LARP1B: variants seen among roughly 807,000 people sequenced by gnomAD.
The protein encoded by LARP1B is La ribonucleoprotein 1B.
A neutral mutation model predicts 114.2 loss-of-function variants in LARP1B; 76 were observed. The observed-to-expected ratio is 0.67, with a 90% CI of 0.55 to 0.81. The LOEUF (loss-of-function observed/expected upper bound fraction) is 0.81. Among genes scored for constraint, LARP1B ranks in the 30% least tolerant of loss-of-function variants. The pLI is 0.00. For synonymous variants in LARP1B, 345 were observed against 348.0 expected (o/e 0.99, Z 0.10); for missense variants, 1,014 against 1,075.8 (o/e 0.94, Z 0.80).
At chr4:128,127,951 A>G (rs1790192550) in intron 11 of LARP1B, among the ~76,000 whole-genome samples, 1 of 152,240 alleles carries the variant, frequency 6.6e-6, no homozygotes. Flanking sequence ...TCAATGGAAT[A>G]AAATTCAGAG....
chr4:128,153,648 T>A, intron 11 of LARP1B, among the ~76,000 whole-genome samples: 1 of 152,208 alleles, frequency 6.6e-6, no homozygotes, highest in Middle Eastern at 3.2e-3. Flanking sequence ...ATCCCTGGCC[T>A]ACTTCTCTTA....
rs1281963626 is a variant in LARP1B, at chr4:128,210,967, A to G, written c.*914A>G. 2.7e-5 allele frequency: 25 copies of G among 937,490 alleles called. No homozygotes were observed. Among genetic ancestry groups the G allele is most frequent in the Non-Finnish European group, 3.2e-5 (25 of 786,360 alleles). 58.1% of individuals were successfully genotyped at this position (937,490 alleles called of 1,614,324 possible). ...GGAGTCAGATTATCTTTAATTTAAAATGAATACTTAGTTTTACCTTTTTGT... is the reference window on the plus strand; with the variant it reads ...GGAGTCAGATTATCTTTAATTTAAAGTGAATACTTAGTTTTACCTTTTTGT... On this transcript the variant is annotated 3_prime_UTR_variant, in exon 20 of 20. Coordinates refer to ENST00000326639, the MANE Select transcript of LARP1B (RefSeq NM_018078.4).
chr4:128,108,543 TCA>T, intron 9 of LARP1B: 3 of 985,708 alleles, frequency 3.0e-6, no homozygotes, highest in Non-Finnish European at 3.6e-6. Flanking sequence ...ATGGACAGTC[TCA>T]CACTATTTTT....
At position 128,107,261 on chromosome 4, in the gene LARP1B, ACTGATTGATTGTC is replaced by A; in HGVS notation, c.938_950del (p.Leu313GlnfsTer26). ...GTGTGCCACCAACAGACTTCTCTCA[ACTGATTGATTGTC>A]CAGAGTTTGTACCAGGCCAAGCCTT... On this transcript the variant is annotated frameshift_variant, in exon 9 of 20. Transcript: ENST00000326639. LOFTEE classifies it high-confidence loss of function. 1 of 1,614,186 alleles carries A rather than the reference ACTGATTGATTGTC, an allele frequency of 6.2e-7. No homozygotes were observed. Among genetic ancestry groups the A allele is most frequent in the Non-Finnish European group, 8.5e-7 (1 of 1,180,020 alleles).
intron 7 of LARP1B, among the ~76,000 whole-genome samples, chr4:128,096,372 G>A (rs150710637): frequency 1.3e-5 from 2 of 152,018 alleles, no homozygotes; most frequent in Non-Finnish European, 2.9e-5. Context: ...TTTCTCAAAG[G>A]CTATTATTAA....
At chr4:128,154,280 A>G (rs938236534) in intron 11 of LARP1B, among the ~76,000 whole-genome samples, 1 of 152,182 alleles carries the variant, frequency 6.6e-6, no homozygotes, top group Non-Finnish European at 1.5e-5. Flanking sequence ...TGGGAGCAAC[A>G]GTGGCCATTG....
In LARP1B at chr4:128,108,262, G is replaced by A. The variant is rs1324531426; in HGVS notation, c.988+949G>A. 8 of 1,076,208 alleles carry A rather than the reference G, an allele frequency of 7.4e-6. No individual in the cohort carries two copies. In the African/African-American group the frequency reaches 1.3e-4, roughly 18 times the overall value. 66.7% of individuals were successfully genotyped at this position (1,076,208 alleles called of 1,614,324 possible). A position where few individuals can be genotyped will look rare whatever the true frequency, so the allele number is the denominator to read the frequency against. ...TTTCTGTTTCCAGGGTTATGTACTT[G>A]TGTCCAGATGAATAAAGCAGAAAAA... is the stretch of plus-strand genomic sequence containing the variant. On this transcript the variant is annotated intron_variant, in intron 9 of 19. Transcript: ENST00000326639.
At chr4:128,150,685 C>T (rs953635300) in intron 11 of LARP1B, among the ~76,000 whole-genome samples, 4 of 150,982 alleles carry the variant, frequency 2.6e-5, no homozygotes, top group African/African-American at 4.9e-5. Context: ...GCCAAGATTG[C>T]GCCACTGCAC....
At chr4:128,096,524 A>G (rs1778073668) in intron 7 of LARP1B, among the ~76,000 whole-genome samples, 1 of 151,586 alleles carries the variant, frequency 6.6e-6, no homozygotes, top group African/African-American at 2.4e-5. Flanking sequence ...CATCTTCTAT[A>G]TTTTTGCTTC....
intron 11 of LARP1B, among the ~76,000 whole-genome samples, chr4:128,136,321 CA>C (rs1373935815): frequency 2.0e-5 from 3 of 148,396 alleles, no homozygotes; most frequent in Non-Finnish European, 4.5e-5. Flanking sequence ...TCAAGAAAAA[CA>C]AAAAAACAAA....
chr4:128,106,063 C>T (rs1781972958), intron 8 of LARP1B, among the ~76,000 whole-genome samples: 1 of 150,270 alleles, frequency 6.7e-6, no homozygotes, highest in Non-Finnish European at 1.5e-5. Flanking sequence ...CTTGCTCTGT[C>T]TCCAGGCTGG....
At chr4:128,083,817 C>G (rs1771973543) in intron 5 of LARP1B, among the ~76,000 whole-genome samples, 1 of 151,156 alleles carries the variant, frequency 6.6e-6, no homozygotes, top group African/African-American at 2.4e-5. Flanking sequence ...CCCCACCTCC[C>G]TCCCGGACGG....
At chr4:128,109,943 G>A (rs772275292) in intron 9 of LARP1B, among the ~76,000 whole-genome samples, 2 of 151,348 alleles carry the variant, frequency 1.3e-5, no homozygotes, top group South Asian at 2.1e-4. Flanking sequence ...TCACTCTGTC[G>A]CTCAGGCTGG....
intron 17 of LARP1B, among the ~76,000 whole-genome samples, chr4:128,203,155 G>C (rs778501508): frequency 7.2e-5 from 11 of 152,022 alleles, no homozygotes; most frequent in Non-Finnish European, 1.5e-4. Flanking sequence ...TTGTGCTACT[G>C]CACTTCAGTC....
downstream of LARP1B, among the ~76,000 whole-genome samples, chr4:128,214,585 G>A (rs1219091442): frequency 1.3e-5 from 2 of 149,522 alleles, no homozygotes; most frequent in African/African-American, 4.9e-5. Context: ...TGAGGGTCCT[G>A]TCTGTTAGAA....
intron 11 of LARP1B, among the ~76,000 whole-genome samples, chr4:128,138,547 A>G (rs1404915660): frequency 6.6e-6 from 1 of 152,186 alleles, no homozygotes; most frequent in Non-Finnish European, 1.5e-5. Flanking sequence ...TATTTGTGGA[A>G]AGGGTAGTGG....
intron 1 of LARP1B, chr4:128,069,114 T>C: frequency 9.1e-7 from 1 of 1,094,906 alleles, no homozygotes; most frequent in Non-Finnish European, 1.4e-6. Flanking sequence ...TCCAAGGCTA[T>C]GGCTCTTTCG....
chr4:128,204,241 T>C (rs1385817900), intron 17 of LARP1B, among the ~76,000 whole-genome samples: 1 of 150,808 alleles, frequency 6.6e-6, no homozygotes, highest in African/African-American at 2.4e-5. Flanking sequence ...AGGCTTCACC[T>C]CAAAGATTCT....
intron 11 of LARP1B, chr4:128,123,230 G>T: frequency 1.0e-6 from 1 of 985,426 alleles, no homozygotes; most frequent in Non-Finnish European, 1.2e-6. Flanking sequence ...CCTGCCTCAG[G>T]CTATGATAGC....
Sources: gnomAD v4.1 joint callset for allele counts (sites outside exome capture counted in the v4.1 genomes callset) on GRCh38, gnomAD v4.1.1 for gene constraint, MANE v1.5 for transcripts, NCBI Gene and HGNC (gene_info 2026-07-23, HGNC 2026-07-21) for gene names.